PI4K2B: variants seen among roughly 807,000 people sequenced by gnomAD.
PI4K2B encodes the protein phosphatidylinositol 4-kinase type 2-beta.
In PI4K2B, 46 loss-of-function variants were observed where a neutral mutation model predicts 56.6. The observed-to-expected ratio is 0.81, with a 90% CI of 0.64 to 1.04. The LOEUF (loss-of-function observed/expected upper bound fraction) is 1.04. PI4K2B is among the 50% of genes least tolerant of loss of function. PI4K2B has a pLI of 0.00. For missense variants in PI4K2B, 556 were observed against 607.7 expected, an observed-to-expected ratio of 0.91 and a Z score of 0.89; for synonymous variants, 211 against 223.8, an observed-to-expected ratio of 0.94 and a Z score of 0.51.
At position 25,279,072 on chromosome 4, in the gene PI4K2B, A is replaced by C. The variant is rs956190912; in HGVS notation, c.*1885A>C. ...CAAATGTGGTAGACTAAAGGTAATA[A>C]AAATCATTGTCTTAAGATTATGTTC... On this transcript the variant is annotated 3_prime_UTR_variant, in exon 10 of 10. Coordinates refer to ENST00000264864, the MANE Select transcript of PI4K2B (RefSeq NM_018323.4). The C allele has an allele frequency of 6.6e-6, 1 of 152,592 alleles. No individual in the cohort carries two copies. Among genetic ancestry groups the C allele is most frequent in the African/African-American group, 2.4e-5 (1 of 41,440 alleles). The allele number at this position is 152,592 out of a possible 1,614,324, so 9.5% of individuals were successfully genotyped here.
intron 1 of PI4K2B, among the ~76,000 whole-genome samples, chr4:25,251,041 A>G (rs1325611325): frequency 1.3e-5 from 2 of 152,140 alleles, no homozygotes; most frequent in African/African-American, 4.8e-5. Context: ...AGTTTTGGGT[A>G]GTGAAGTTTG....
intron 1 of PI4K2B, among the ~76,000 whole-genome samples, chr4:25,239,763 G>A (rs575548210): frequency 2.6e-5 from 4 of 152,356 alleles, no homozygotes; most frequent in East Asian, 3.9e-4. Flanking sequence ...GTGAGCGAGG[G>A]CTGCAAGGGC....
intron 9 of PI4K2B, among the ~76,000 whole-genome samples, chr4:25,272,369 A>T (rs1716931170): frequency 6.6e-6 from 1 of 152,240 alleles, no homozygotes; most frequent in East Asian, 1.9e-4. Context: ...TGGTTATTAT[A>T]CGTTGTCACT....
chr4:25,270,549 T>A (rs1716847894), intron 9 of PI4K2B, among the ~76,000 whole-genome samples: 1 of 152,160 alleles, frequency 6.6e-6, no homozygotes, highest in Admixed American at 6.5e-5. Flanking sequence ...GATTTCACCA[T>A]GTCGGCCAGG....
In PI4K2B at chr4:25,234,060, C is replaced by A; in HGVS notation, c.-104C>A. On this transcript the variant is annotated 5_prime_UTR_variant, in exon 1 of 10. Transcript: ENST00000264864. ...GCGTGCCCGTGCGCTGGTGAGGTGG[C>A]GTCCGTTCTACCCGGTCGCTCCCGT... The A allele has an allele frequency of 1.0e-6, 1 of 993,508 alleles. No homozygotes were observed. The highest frequency in any genetic ancestry group is 1.3e-6 in the Non-Finnish European group (1 of 770,334). The allele number at this position is 993,508 out of a possible 1,614,324, so 61.5% of individuals were successfully genotyped here.
At chr4:25,263,427 C>CAATG (rs1351677314) in intron 6 of PI4K2B, among the ~76,000 whole-genome samples, 2 of 151,976 alleles carry the variant, frequency 1.3e-5, no homozygotes, top group African/African-American at 2.4e-5. Flanking sequence ...TACATTTAAG[C>CAATG]AATGAATCTA....
intron 1 of PI4K2B, 137 bp downstream of exon 1, chr4:25,234,568 G>C (rs572928921): frequency 3.4e-6 from 2 of 585,908 alleles, no homozygotes; most frequent in African/African-American, 3.8e-5. Context: ...TCCCGAGCTC[G>C]GACCGGCGCC....
chr4:25,241,076 ACT>A (rs1487494329), intron 1 of PI4K2B, among the ~76,000 whole-genome samples: 2 of 152,116 alleles, frequency 1.3e-5, no homozygotes, highest in Non-Finnish European at 2.9e-5. Context: ...GCATGCAATA[ACT>A]CTATAATTTC....
intron 1 of PI4K2B, among the ~76,000 whole-genome samples, chr4:25,239,297 C>T (rs946304803): frequency 7.2e-5 from 11 of 152,212 alleles, no homozygotes; most frequent in Admixed American, 2.6e-4. Context: ...CAGGGGGTGG[C>T]GCTTGTTGGG....
At chr4:25,266,086 T>G (rs763285872) in intron 7 of PI4K2B, among the ~76,000 whole-genome samples, 1 of 152,108 alleles carries the variant, frequency 6.6e-6, no homozygotes, top group Non-Finnish European at 1.5e-5. Context: ...TCAGTGGCCT[T>G]TGCTTTTCTT....
In PI4K2B at chr4:25,255,264, A is replaced by G. The variant is rs1716221024; in HGVS notation, c.623A>G (p.Lys208Arg). 6.2e-7 allele frequency: 1 copy of G among 1,612,278 alleles called. No homozygotes were observed. The highest frequency in any genetic ancestry group is 1.7e-5 in the Admixed American group (1 of 60,012). The change falls in exon 3 of 10, where the codon AAG becomes AGG. Residue 208 changes from lysine to arginine, a missense_variant and splice_region_variant. Coordinates refer to ENST00000264864, the MANE Select transcript of PI4K2B (RefSeq NM_018323.4). ...KLHLSIVPKTKVVWLVSETFN... is the reference protein window; with the variant it reads ...KLHLSIVPKTRVVWLVSETFN... ...CATCTGAGCATTGTACCTAAAACAA[A>G]GGTAAGCCAGACTTTATTTTTAACC...
At chr4:25,246,656 A>G (rs1299392514) in intron 1 of PI4K2B, among the ~76,000 whole-genome samples, 2 of 152,342 alleles carry the variant, frequency 1.3e-5, no homozygotes, top group Admixed American at 6.5e-5. Flanking sequence ...TGATGGGACC[A>G]GGCACCATGG....
rs866710077 is a variant in PI4K2B, at chr4:25,237,477, C to T, written c.268+3046C>T. ...GCAACCTCCACTCCCCAGGTTCAAG[C>T]GATTCTCCTGCCTCACCCTCCCAAG... On this transcript the variant is annotated intron_variant, in intron 1 of 9. Transcript: ENST00000264864. Among the ~76,000 whole-genome samples the T allele has an allele frequency of 5.9e-5, 9 of 152,196 alleles. No homozygotes were observed. The South Asian group carries it at 8.3e-4, about 14-fold the overall frequency.
chr4:25,238,840 C>G (rs576394244), intron 1 of PI4K2B, among the ~76,000 whole-genome samples: 1 of 152,138 alleles, frequency 6.6e-6, no homozygotes, highest in Non-Finnish European at 1.5e-5. Context: ...GGGACCTGAG[C>G]AGGTTGCCAC....
At chr4:25,243,083 G>A (rs539912062) in intron 1 of PI4K2B, among the ~76,000 whole-genome samples, 7 of 152,336 alleles carry the variant, frequency 4.6e-5, no homozygotes, top group Non-Finnish European at 8.8e-5. Flanking sequence ...GAGGACAGTC[G>A]TCCAGGACAG....
intron 1 of PI4K2B, among the ~76,000 whole-genome samples, chr4:25,242,088 CT>C (rs900196905): frequency 2.6e-5 from 4 of 152,202 alleles, no homozygotes; most frequent in African/African-American, 9.7e-5. Flanking sequence ...CCAGTATAGG[CT>C]GTATTCGTTC....
chr4:25,244,125 C>T (rs1715657348), intron 1 of PI4K2B, among the ~76,000 whole-genome samples: 2 of 152,192 alleles, frequency 1.3e-5, no homozygotes, highest in South Asian at 4.1e-4. Flanking sequence ...AAAACTTCCC[C>T]AGGTCTGCCT....
At chr4:25,234,489 C>T in intron 1 of PI4K2B, 58 bp downstream of exon 1, 4 of 1,173,038 alleles carry the variant, frequency 3.4e-6, no homozygotes, top group Non-Finnish European at 4.3e-6. Context: ...CCCTGTCGCC[C>T]GGCTCGGTCC....
At chr4:25,235,985 T>A (rs767781299) in intron 1 of PI4K2B, among the ~76,000 whole-genome samples, 1 of 138,006 alleles carries the variant, frequency 7.2e-6, no homozygotes, top group Non-Finnish European at 1.7e-5. Context: ...GAGATCCCCA[T>A]CTCTATAAAA....
Sources: allele counts gnomAD v4.1 joint callset (sites outside exome capture counted in the v4.1 genomes callset), GRCh38; gene constraint gnomAD v4.1.1; transcripts MANE v1.5; gene names NCBI Gene and HGNC (gene_info 2026-07-23, HGNC 2026-07-21).